MYO5A: variants seen among roughly 807,000 people sequenced by gnomAD.
MYO5A encodes unconventional myosin-Va.
MYO5A carries 98 observed loss-of-function variants against 249.7 expected under a neutral mutation model. That is an observed-to-expected ratio of 0.39 (90% CI 0.33 to 0.46). The LOEUF (loss-of-function observed/expected upper bound fraction) is 0.46, where lower values mean the gene tolerates loss of function less well. MYO5A is among the 20% of genes least tolerant of loss of function. The pLI is 0.98. For synonymous variants in MYO5A, 778 were observed against 810.6 expected (o/e 0.96, Z 0.68); for missense variants, 1,696 against 2,308.8 (o/e 0.73, Z 5.44).
At position 52,416,491 on chromosome 15, in the gene MYO5A, A is replaced by T. The variant is rs112168319; in HGVS notation, c.456-190T>A. ...ACCAGAAATGTTGCAGGATATATATATATTTTTTTTAAGGAATCAGAGAGA... is the reference window on the plus strand; with the variant it reads ...ACCAGAAATGTTGCAGGATATATATTTATTTTTTTTAAGGAATCAGAGAGA... On this transcript the variant is annotated intron_variant, in intron 4 of 41. Transcript: ENST00000399233. Among the ~76,000 whole-genome samples, 48,042 of 146,710 alleles carry T rather than the reference A, an allele frequency of 0.33. 9,774 individuals are homozygous for T. Among genetic ancestry groups the T allele is most frequent in the East Asian group, 0.69 (3,361 of 4,880 alleles).
At position 52,466,461 on chromosome 15, in the gene MYO5A, G is replaced by A. The variant is rs182870255; in HGVS notation, c.28-33176C>T. On this transcript the variant is annotated intron_variant, in intron 1 of 41. Coordinates refer to ENST00000399233, the MANE Select transcript of MYO5A (RefSeq NM_001382347.1). ...TAGCCCAAGACTGCACTGCAGACGA[G>A]AAGCAAACTGTAGTGACTAAGTGAA... 2.6e-5 allele frequency among the ~76,000 whole-genome samples: 4 copies of A among 152,332 alleles called. No homozygotes were observed. In the East Asian group the frequency reaches 7.7e-4, roughly 29 times the overall value.
chr15:52,506,879 C>T (rs2077283342), intron 1 of MYO5A, among the ~76,000 whole-genome samples: 1 of 152,188 alleles, frequency 6.6e-6, no homozygotes, highest in African/African-American at 2.4e-5. Context: ...GCTCTACCTT[C>T]TTAGCTTGTT....
intron 31 of MYO5A, among the ~76,000 whole-genome samples, chr15:52,342,284 AG>A (rs1314867462): frequency 6.6e-6 from 1 of 152,156 alleles, no homozygotes; most frequent in African/African-American, 2.4e-5. Flanking sequence ...GTTTGAGCCC[AG>A]GAGGTCAAGG....
At chr15:52,357,494 T>C (rs1489305745) in intron 25 of MYO5A, among the ~76,000 whole-genome samples, 3 of 151,570 alleles carry the variant, frequency 2.0e-5, no homozygotes, top group Non-Finnish European at 4.4e-5. Context: ...GTTAACTCTT[T>C]AGACATTGGC....
intron 14 of MYO5A, among the ~76,000 whole-genome samples, 174 bp from the exon 15 acceptor site, chr15:52,384,496 G>A (rs956926862): frequency 1.3e-5 from 2 of 152,156 alleles, no homozygotes; most frequent in African/African-American, 4.8e-5. Context: ...GGTGAGGTAA[G>A]TGCTATACAA....
intron 1 of MYO5A, among the ~76,000 whole-genome samples, chr15:52,438,832 TA>T (rs761077930): frequency 2.6e-5 from 4 of 152,256 alleles, no homozygotes; most frequent in Non-Finnish European, 5.9e-5. Context: ...CTGTGTTTGT[TA>T]CGGCTCGAGC....
chr15:52,347,164 A>C (rs2039678719), intron 29 of MYO5A, among the ~76,000 whole-genome samples: 1 of 152,116 alleles, frequency 6.6e-6, no homozygotes, highest in Admixed American at 6.5e-5. Context: ...CGTTTAGTCA[A>C]ATCTGTCTGA....
At chr15:52,410,728 C>A (rs954771124) in intron 5 of MYO5A, among the ~76,000 whole-genome samples, 1 of 151,998 alleles carries the variant, frequency 6.6e-6, no homozygotes, top group African/African-American at 2.4e-5. Context: ...CAGGCACATG[C>A]CACCACGCCC....
At chr15:52,482,391 G>A (rs2076732939) in intron 1 of MYO5A, among the ~76,000 whole-genome samples, 1 of 152,182 alleles carries the variant, frequency 6.6e-6, no homozygotes, top group African/African-American at 2.4e-5. Context: ...GCTGAAGAGG[G>A]AAGAGGATAG....
intron 8 of MYO5A, among the ~76,000 whole-genome samples, chr15:52,406,691 T>C (rs560796833): frequency 6.6e-6 from 1 of 152,310 alleles, no homozygotes; most frequent in East Asian, 1.9e-4. Context: ...GATTAATTTA[T>C]TCACATGAAG....
chr15:52,415,018 AG>A (rs1804219180), intron 5 of MYO5A, among the ~76,000 whole-genome samples: 1 of 152,210 alleles, frequency 6.6e-6, no homozygotes, highest in South Asian at 2.1e-4. Context: ...CCCAAAAAGT[AG>A]AAGTCCTGCT....
At chr15:52,384,059 C>T in intron 15 of MYO5A, 102 bp downstream of exon 15, 2 of 1,433,088 alleles carry the variant, frequency 1.4e-6, no homozygotes, top group Non-Finnish European at 2.0e-6. Flanking sequence ...TCTAGGCTCT[C>T]CTCACCTGAG....
chr15:52,376,550 G>A lies in MYO5A; in HGVS notation c.2217C>T (p.Asp739=). 1.2e-6 allele frequency: 2 copies of A among 1,613,870 alleles called. No individual in the cohort carries two copies. Among genetic ancestry groups the A allele is most frequent in the South Asian group, 1.1e-5 (1 of 91,074 alleles). Residue 739 remains aspartate (D), a synonymous_variant, in exon 19 of 42, where the codon GAC becomes GAT. Coordinates refer to ENST00000399233, the MANE Select transcript of MYO5A (RefSeq NM_001382347.1). The part of the protein sequence containing the change: ...NVLEKLILDK[D]KYQFGKTKIF... ...TCTTTGTCTTACCAAACTGGTATTT[G>A]TCCTTGTCCTATTTTTGGAAGAAAT...
rs2077402573 is a variant in MYO5A at position 52,512,111 on chromosome 15, C to T, written c.27+16669G>A. On this transcript the variant is annotated intron_variant, in intron 1 of 41. Transcript: ENST00000399233. ...CCGGGAGGTGGAGCTTGCAGTGAGCCGAGATTGCGCCACTGCACTCCAGCC... is the reference window on the plus strand; with the variant it reads ...CCGGGAGGTGGAGCTTGCAGTGAGCTGAGATTGCGCCACTGCACTCCAGCC... Among the ~76,000 whole-genome samples, 3 of 147,420 alleles carry T rather than the reference C, an allele frequency of 2.0e-5. No homozygotes were observed. The Admixed American group carries it at 2.1e-4, about 10-fold the overall frequency.
intron 18 of MYO5A, among the ~76,000 whole-genome samples, chr15:52,377,210 T>A (rs541693837): frequency 1.3e-5 from 2 of 152,158 alleles, no homozygotes; most frequent in East Asian, 3.9e-4. Context: ...GATCATGAGG[T>A]CAGGAGATCG....
At chr15:52,356,387 T>C (rs1258282576) in intron 25 of MYO5A, among the ~76,000 whole-genome samples, 1 of 152,140 alleles carries the variant, frequency 6.6e-6, no homozygotes, top group African/African-American at 2.4e-5. Context: ...AATTTTTTCT[T>C]AGTCTTTTTC....
chr15:52,398,664 A>G (rs2042594159), intron 9 of MYO5A, among the ~76,000 whole-genome samples: 1 of 152,122 alleles, frequency 6.6e-6, no homozygotes, highest in Admixed American at 6.5e-5. Context: ...GCAGCCATAT[A>G]TATGTATGTA....
In MYO5A at chr15:52,375,072, G is replaced by C. The variant is rs56312354; in HGVS notation, c.2577+232C>G. On this transcript the variant is annotated intron_variant, in intron 20 of 41. Transcript: ENST00000399233. ...CAGTGGGAAGACTGCTTGAGGCCAGGAGTTTGAGGCTGCAGTGTACTATGA... is the reference window on the plus strand; with the variant it reads ...CAGTGGGAAGACTGCTTGAGGCCAGCAGTTTGAGGCTGCAGTGTACTATGA... Among the ~76,000 whole-genome samples the C allele has an allele frequency of 0.046, 7,000 of 152,170 alleles. 255 individuals carry two copies. The highest frequency in any genetic ancestry group is 0.19 in the East Asian group (992 of 5,176).
intron 25 of MYO5A, 45 bp downstream of exon 25, chr15:52,359,923 A>G: frequency 7.4e-7 from 1 of 1,348,996 alleles, no homozygotes; most frequent in Non-Finnish European, 1.1e-6. Context: ...TGTTAACAAC[A>G]GCATGCTCAT....
Sources: gnomAD v4.1 joint callset for allele counts (sites outside exome capture counted in the v4.1 genomes callset) on GRCh38, gnomAD v4.1.1 for gene constraint, MANE v1.5 for transcripts, NCBI Gene and HGNC (gene_info 2026-07-23, HGNC 2026-07-21) for gene names.